NAV3: variants seen among roughly 807,000 people sequenced by gnomAD.
NAV3 encodes neuron navigator 3, also known as pore membrane and/or filament interacting like protein 1.
NAV3 carries 87 observed loss-of-function variants against 244.7 expected under a neutral mutation model. The observed-to-expected ratio is 0.36, with a 90% CI of 0.30 to 0.42. NAV3 has a LOEUF of 0.42. Ranked by LOEUF, NAV3 falls within the 20% of genes least tolerant of loss-of-function variation. NAV3 has a pLI of 1.00. For synonymous variants in NAV3, 1,126 were observed against 1,042.2 expected (o/e 1.08, Z -1.55); for missense variants, 2,663 against 2,893.3 (o/e 0.92, Z 1.83).
chr12:77,630,310 A>G (rs925864497), intron 2 of NAV3, among the ~76,000 whole-genome samples: 2 of 152,176 alleles, frequency 1.3e-5, no homozygotes, highest in African/African-American at 4.8e-5. Flanking sequence ...CCTGTAGATT[A>G]GCAACTTTTT....
At chr12:78,144,736 A>C (rs1283693091) in intron 20 of NAV3, among the ~76,000 whole-genome samples, 1 of 151,710 alleles carries the variant, frequency 6.6e-6, no homozygotes, top group Non-Finnish European at 1.5e-5. Context: ...ATTTAAAAAT[A>C]CATGAATTAT....
intron 1 of NAV3, among the ~76,000 whole-genome samples, chr12:77,845,495 A>G (rs1172595516): frequency 1.3e-5 from 2 of 151,352 alleles, no homozygotes; most frequent in Non-Finnish European, 3.0e-5. Context: ...TTACTTCACC[A>G]TTGTTGAATG....
At chr12:77,594,668 G>T (rs962186668) in intron 2 of NAV3, among the ~76,000 whole-genome samples, 12 of 152,170 alleles carry the variant, frequency 7.9e-5, no homozygotes, top group African/African-American at 2.9e-4. Context: ...CATATGCACC[G>T]AAGTTAGAAG....
At position 77,647,452 on chromosome 12, in the gene NAV3, C is replaced by CT. The variant is rs202028867; in HGVS notation, c.72+75195dup. On this transcript the variant is annotated intron_variant, in intron 2 of 8. Transcript: ENST00000550042. Reference sequence around the variant, plus strand: ...CAACCAGCTGCAGATTTGTAGCATGCTTTTTTTTTGTTTTGTTTTTGTTTT... The same window carrying CT: ...CAACCAGCTGCAGATTTGTAGCATGCTTTTTTTTTTGTTTTGTTTTTGTTTT... Among the ~76,000 whole-genome samples, 468 of 149,792 alleles carry CT rather than the reference C, an allele frequency of 3.1e-3. 2 individuals are homozygous for CT. Among genetic ancestry groups the CT allele is most frequent in the African/African-American group, 0.011 (442 of 40,766 alleles).
At chr12:77,706,210 G>C (rs1875792153) in intron 2 of NAV3, among the ~76,000 whole-genome samples, 1 of 151,376 alleles carries the variant, frequency 6.6e-6, no homozygotes, top group South Asian at 2.1e-4. Context: ...CTACTCCAAA[G>C]AGCCTAGTTA....
At chr12:77,913,800 G>A (rs1167841196) in intron 1 of NAV3, among the ~76,000 whole-genome samples, 2 of 152,084 alleles carry the variant, frequency 1.3e-5, no homozygotes, top group African/African-American at 4.8e-5. Context: ...CTTAGCTTGT[G>A]CTAAGCTTCA....
intron 3 of NAV3, among the ~76,000 whole-genome samples, chr12:77,958,368 T>C (rs886744752): frequency 3.3e-5 from 5 of 152,150 alleles, no homozygotes. Context: ...GTTTAATAAA[T>C]GTGTGATGAG....
chr12:77,622,536 T>A (rs12826256), intron 2 of NAV3, among the ~76,000 whole-genome samples: 2 of 107,334 alleles, frequency 1.9e-5, no homozygotes, highest in South Asian at 2.8e-4. Flanking sequence ...CCATATGGAT[T>A]TTTTTTTTTT....
At chr12:77,810,276 A>G (rs998472398) in intron 2 of NAV3, among the ~76,000 whole-genome samples, 8 of 152,130 alleles carry the variant, frequency 5.3e-5, no homozygotes, top group Non-Finnish European at 1.2e-4. Flanking sequence ...GGTTCACGCC[A>G]TTCTCCTGCC....
chr12:77,579,128 C>A (rs1869229863), intron 2 of NAV3, among the ~76,000 whole-genome samples: 1 of 152,138 alleles, frequency 6.6e-6, no homozygotes, highest in South Asian at 2.1e-4. Context: ...AAAAGTGGAT[C>A]ATTTCTAAAA....
intron 2 of NAV3, among the ~76,000 whole-genome samples, chr12:77,784,971 T>C (rs1161187009): frequency 6.6e-6 from 1 of 152,072 alleles, no homozygotes; most frequent in Non-Finnish European, 1.5e-5. Flanking sequence ...AGCAATAAAT[T>C]GGAAGGATGA....
intron 5 of NAV3, among the ~76,000 whole-genome samples, chr12:77,990,572 A>G (rs1871281110): frequency 6.6e-6 from 1 of 152,238 alleles, no homozygotes; most frequent in Non-Finnish European, 1.5e-5. Context: ...GTTTATTCAA[A>G]AGAAACTATA....
At chr12:77,953,455 T>C (rs1891084511) in intron 3 of NAV3, among the ~76,000 whole-genome samples, 1 of 152,204 alleles carries the variant, frequency 6.6e-6, no homozygotes, top group Admixed American at 6.5e-5. Flanking sequence ...GTTTCTTACA[T>C]TGTGTAAATT....
intron 2 of NAV3, among the ~76,000 whole-genome samples, chr12:77,644,979 C>T (rs1872555270): frequency 6.6e-6 from 1 of 152,054 alleles, no homozygotes; most frequent in Non-Finnish European, 1.5e-5. Flanking sequence ...TACCCAAGGT[C>T]TCTAAAAAGG....
At chr12:78,051,235 G>T (rs1882715138) in intron 11 of NAV3, 88 bp downstream of exon 11, 3 of 1,453,378 alleles carry the variant, frequency 2.1e-6, no homozygotes, top group Non-Finnish European at 2.8e-6. Context: ...GTGTAAGTTT[G>T]CCCAGAAAGT....
chr12:77,757,151 TTGCCAAGATAA>T (rs1193872716), intron 2 of NAV3, among the ~76,000 whole-genome samples: 2 of 152,232 alleles, frequency 1.3e-5, no homozygotes, highest in Non-Finnish European at 2.9e-5. Context: ...TAACTGGGGC[TTGCCAAGATAA>T]TGGCAGATGG....
chr12:78,167,371 T>G (rs1230017274), intron 23 of NAV3, among the ~76,000 whole-genome samples: 1 of 151,788 alleles, frequency 6.6e-6, no homozygotes, highest in Non-Finnish European at 1.5e-5. Context: ...ACTCATAAGC[T>G]ACTAAAAGTA....
chr12:77,928,242 A>AG (rs1555232580), intron 1 of NAV3, among the ~76,000 whole-genome samples: 10 of 137,876 alleles, frequency 7.3e-5, no homozygotes, highest in Non-Finnish European at 1.4e-4. Context: ...AAAAAAAAAA[A>AG]AGAGAGAGAG....
At chr12:77,590,803 G>A (rs1420256653) in intron 2 of NAV3, among the ~76,000 whole-genome samples, 1 of 152,216 alleles carries the variant, frequency 6.6e-6, no homozygotes, top group Non-Finnish European at 1.5e-5. Context: ...GCAGGTTGTA[G>A]CGTCCTACAG....
Sources: allele counts gnomAD v4.1 joint callset (sites outside exome capture counted in the v4.1 genomes callset), GRCh38; gene constraint gnomAD v4.1.1; transcripts MANE v1.5; gene names NCBI Gene and HGNC (gene_info 2026-07-23, HGNC 2026-07-21).